Variants in CERS6 observed in about 807,000 individuals in gnomAD.
CERS6 encodes ceramide synthase 6.
In CERS6, 26 loss-of-function variants were observed where a neutral mutation model predicts 56.8. That is an observed-to-expected ratio of 0.46 (90% CI 0.34 to 0.63). The LOEUF (loss-of-function observed/expected upper bound fraction) is 0.63, where lower values mean the gene tolerates loss of function less well. Among genes scored for constraint, CERS6 ranks in the 30% least tolerant of loss-of-function variants. CERS6 has a pLI of 0.01. For missense variants in CERS6, 415 were observed against 467.5 expected (o/e 0.89, Z 1.04); for synonymous variants, 164 against 173.3 (o/e 0.95, Z 0.42).
rs544167526 is a variant in CERS6 at position 168,597,863 on chromosome 2, C to T, written c.408-33122C>T. Among the ~76,000 whole-genome samples the T allele has an allele frequency of 5.3e-5, 8 of 152,282 alleles. No homozygotes were observed. In the South Asian group the frequency reaches 1.5e-3, roughly 28 times the overall value. ...CATCTAGGACAGTGTGCCAGAGTGCCTTCTCTTCCCTCCCGTCTAAATTGC... is the reference window on the plus strand; with the variant it reads ...CATCTAGGACAGTGTGCCAGAGTGCTTTCTCTTCCCTCCCGTCTAAATTGC... On this transcript the variant is annotated intron_variant, in intron 3 of 9. Coordinates refer to ENST00000305747, the MANE Select transcript of CERS6 (RefSeq NM_203463.3).
chr2:168,456,557 G>A lies in CERS6; in HGVS notation c.109G>A (p.Asp37Asn), dbSNP rs1241889470. 6.2e-7 allele frequency: 1 copy of A among 1,614,084 alleles called. No homozygotes were observed. Among genetic ancestry groups the A allele is most frequent in the South Asian group, 1.1e-5 (1 of 91,084 alleles). The change falls in exon 1 of 10, where the codon GAC becomes AAC. Residue 37 changes from aspartate (D) to asparagine (N), a missense_variant. Physicochemically the swap from Asp to Asn is conservative, Grantham distance 23 (BLOSUM62 1). Coordinates refer to ENST00000305747, the MANE Select transcript of CERS6 (RefSeq NM_203463.3). The surrounding 1 kb of genome is among the most constrained non-coding windows in gnomAD (Gnocchi z 4.1). Reference protein sequence around the residue: ...TEEATFPQAEDLYLAFPLAFC... With the variant: ...TEEATFPQAENLYLAFPLAFC... ...GGAGGCCACCTTCCCGCAGGCTGAG[G>A]ACCTCTATCTCGCTTTTCCCCTGGC...
At chr2:168,632,466 G>C (rs940932738) in intron 4 of CERS6, among the ~76,000 whole-genome samples, 1 of 152,088 alleles carries the variant, frequency 6.6e-6, no homozygotes, top group Non-Finnish European at 1.5e-5. Flanking sequence ...TTTTTTACTT[G>C]TAGTCTTTTC....
intron 1 of CERS6, among the ~76,000 whole-genome samples, chr2:168,474,178 G>A (rs1326102217): frequency 5.3e-5 from 8 of 152,178 alleles, no homozygotes; most frequent in Non-Finnish European, 1.2e-4. Context: ...GGTGAATGTA[G>A]AGCCATTTTC....
intron 4 of CERS6, among the ~76,000 whole-genome samples, chr2:168,680,472 C>T (rs1401929878): frequency 6.6e-6 from 1 of 152,142 alleles, no homozygotes; most frequent in Admixed American, 6.5e-5. Flanking sequence ...TCTGGCAGTT[C>T]CCTTCCTCCA....
intron 8 of CERS6, among the ~76,000 whole-genome samples, chr2:168,743,577 T>G (rs1389966478): frequency 1.3e-5 from 2 of 152,230 alleles, no homozygotes; most frequent in Non-Finnish European, 2.9e-5. Flanking sequence ...AGTTGCTTTT[T>G]AAAAACTTGA....
intron 1 of CERS6, among the ~76,000 whole-genome samples, chr2:168,469,950 C>T (rs1462898332): frequency 1.3e-5 from 2 of 152,152 alleles, no homozygotes; most frequent in Admixed American, 1.3e-4. Context: ...CACTCAGGTC[C>T]TGGCAGAGCC....
intron 9 of CERS6, among the ~76,000 whole-genome samples, chr2:168,768,678 G>A (rs977920411): frequency 1.3e-5 from 2 of 151,940 alleles, no homozygotes; most frequent in African/African-American, 4.8e-5. Flanking sequence ...GGTCAAGGCA[G>A]GTGGATCACC....
At chr2:168,702,533 A>G (rs939489119) in intron 6 of CERS6, among the ~76,000 whole-genome samples, 5 of 152,198 alleles carry the variant, frequency 3.3e-5, no homozygotes, top group African/African-American at 4.8e-5. Context: ...CAGCCTGTCA[A>G]TCCTTTACAT....
At chr2:168,502,895 G>T (rs1694609985) in intron 1 of CERS6, among the ~76,000 whole-genome samples, 1 of 152,196 alleles carries the variant, frequency 6.6e-6, no homozygotes, top group Non-Finnish European at 1.5e-5. Context: ...GATAAAATCT[G>T]GATTGGATAA....
chr2:168,547,735 C>G, intron 2 of CERS6, 34 bp downstream of exon 2: 1 of 1,385,036 alleles, frequency 7.2e-7, no homozygotes, highest in South Asian at 1.2e-5. Flanking sequence ...ATAGATTGTC[C>G]CCGGTCACCA....
intron 8 of CERS6, among the ~76,000 whole-genome samples, chr2:168,739,445 A>C (rs1465771170): frequency 6.6e-6 from 1 of 152,128 alleles, no homozygotes; most frequent in Non-Finnish European, 1.5e-5. Flanking sequence ...GAGTATATTA[A>C]AAATTTCCAT....
chr2:168,505,406 A>G (rs1574029492), intron 1 of CERS6, among the ~76,000 whole-genome samples: 1 of 151,542 alleles, frequency 6.6e-6, no homozygotes, highest in South Asian at 2.1e-4. Flanking sequence ...AAAAAAGAAA[A>G]AAAAAGAAAT....
chr2:168,660,020 T>C (rs577224228), intron 4 of CERS6, among the ~76,000 whole-genome samples: 283 of 152,156 alleles, frequency 1.9e-3, no homozygotes, highest in Non-Finnish European at 3.3e-3. Context: ...CTGGAGTGAG[T>C]GTATGCTTTC....
At chr2:168,588,435 C>G (rs1164052896) in intron 3 of CERS6, among the ~76,000 whole-genome samples, 1 of 152,110 alleles carries the variant, frequency 6.6e-6, no homozygotes, top group East Asian at 1.9e-4. Context: ...TCCCAGATCC[C>G]TCATAACCCC....
chr2:168,764,343 C>T (rs1374489023), intron 8 of CERS6, among the ~76,000 whole-genome samples: 2 of 152,010 alleles, frequency 1.3e-5, no homozygotes, highest in Non-Finnish European at 2.9e-5. Context: ...GGCGTTGCAC[C>T]ATGTTAGCCA....
chr2:168,501,516 A>T (rs1241026864), intron 1 of CERS6, among the ~76,000 whole-genome samples: 2 of 152,114 alleles, frequency 1.3e-5, no homozygotes, highest in Non-Finnish European at 2.9e-5. Context: ...TTCCCCCTAT[A>T]ATGAGGTCGA....
rs538966689 is a variant in CERS6, at chr2:168,725,021, T to G, written c.845+7043T>G. On this transcript the variant is annotated intron_variant, in intron 8 of 9. Transcript: ENST00000305747. ...GGTGGGAGGTTCAGGCATGGCGGGC[T>G]GCAGGTCCCAAGCCCTGCCCCATGG... 1.6e-4 allele frequency among the ~76,000 whole-genome samples: 24 copies of G among 152,328 alleles called. 1 individual carries two copies. In the South Asian group the frequency reaches 5.0e-3, roughly 32 times the overall value.
intron 8 of CERS6, among the ~76,000 whole-genome samples, chr2:168,756,292 G>A (rs536748488): frequency 6.6e-6 from 1 of 152,300 alleles, no homozygotes; most frequent in East Asian, 1.9e-4. Flanking sequence ...TAAAGTAGGG[G>A]ATATTTAGAG....
intron 1 of CERS6, among the ~76,000 whole-genome samples, chr2:168,486,228 A>G (rs1478811089): frequency 6.6e-6 from 1 of 152,088 alleles, no homozygotes; most frequent in Admixed American, 6.5e-5. Flanking sequence ...TTCTTTGCAT[A>G]TTTTGGATAC....
Sources: gnomAD v4.1 joint callset for allele counts (sites outside exome capture counted in the v4.1 genomes callset) on GRCh38, gnomAD v4.1.1 for gene constraint, Gnocchi (gnomAD v3.1) non-coding constraint, MANE v1.5 for transcripts, NCBI Gene and HGNC (gene_info 2026-07-23, HGNC 2026-07-21) for gene names.